The following ASH1L variants were observed in gnomAD, a reference collection of about 807,000 sequenced individuals.
ASH1L encodes ASH1 like histone lysine methyltransferase, also known as histone-lysine N-methyltransferase ASH1L.
ASH1L carries 23 observed loss-of-function variants against 269.0 expected under a neutral mutation model. The observed-to-expected ratio is 0.09, with a 90% CI of 0.06 to 0.12. The LOEUF is 0.12. ASH1L is among the 10% of genes least tolerant of loss of function. ASH1L has a pLI of 1.00. For synonymous variants in ASH1L, 1,187 were observed against 1,253.5 expected (o/e 0.95, Z 1.12); for missense variants, 2,912 against 3,567.8 (o/e 0.82, Z 4.68).
intron 6 of ASH1L, among the ~76,000 whole-genome samples, chr1:155,400,805 C>T (rs866100970): frequency 1.6e-4 from 24 of 152,192 alleles, no homozygotes; most frequent in Admixed American, 3.9e-4. Context: ...CATAAATTTA[C>T]ATACTTCAGC....
At chr1:155,402,805 T>C (rs1251698682) in intron 6 of ASH1L, among the ~76,000 whole-genome samples, 1 of 151,716 alleles carries the variant, frequency 6.6e-6, no homozygotes, top group Non-Finnish European at 1.5e-5. Flanking sequence ...CCTCCTACCT[T>C]GGCCTCCCGA....
At chr1:155,454,629 G>T (rs540781056) in intron 4 of ASH1L, among the ~76,000 whole-genome samples, 1 of 152,240 alleles carries the variant, frequency 6.6e-6, no homozygotes, top group East Asian at 1.9e-4. Context: ...TTAGCCAGGC[G>T]TGGTGGCACA....
chr1:155,484,940 AAAAC>A (rs1368270709), intron 2 of ASH1L, among the ~76,000 whole-genome samples: 4 of 133,768 alleles, frequency 3.0e-5, no homozygotes, highest in African/African-American at 6.0e-5. Context: ...AAAAAAAAAA[AAAAC>A]AAAAACAAAA....
rs368443129 is a variant in ASH1L at position 155,378,381 on chromosome 1, C to T, written c.6232G>A (p.Val2078Ile). 22 of 1,613,860 alleles carry T rather than the reference C, an allele frequency of 1.4e-5. No homozygotes were observed. The highest frequency in any genetic ancestry group is 1.7e-5 in the Admixed American group (1 of 59,996). ...LYKKIRSNVY[V>I]DVKPLSGYEA... The stretch of plus-strand genomic sequence containing the variant: ...TAACCAGAAAGGGGTTTGACATCAA[C>T]GTAGACATCTTGAAAAGAAAGCAAA... Residue 2078 changes from valine (V) to isoleucine (I), a missense_variant, in exon 10 of 28, where the codon GTT (valine) becomes ATT (isoleucine). Physicochemically the swap from Val to Ile is conservative, Grantham distance 29. Transcript: ENST00000392403.
chr1:155,504,178 T>G (rs1316710010), intron 2 of ASH1L, among the ~76,000 whole-genome samples: 2 of 152,220 alleles, frequency 1.3e-5, no homozygotes, highest in Non-Finnish European at 2.9e-5. Context: ...AAAACATTAT[T>G]TTCCCTTTCT....
chr1:155,503,209 C>T (rs975684450), intron 2 of ASH1L, among the ~76,000 whole-genome samples: 6 of 152,170 alleles, frequency 3.9e-5, no homozygotes, highest in Admixed American at 1.3e-4. Context: ...ACTATCAAAT[C>T]CTACAGAAAG....
intron 4 of ASH1L, among the ~76,000 whole-genome samples, chr1:155,456,479 C>T (rs990486486): frequency 2.6e-5 from 4 of 152,234 alleles, no homozygotes; most frequent in African/African-American, 9.6e-5. Context: ...GTGACATATA[C>T]AGTTTGATGT....
intron 21 of ASH1L, 91 bp downstream of exon 21, chr1:155,346,292 G>A: frequency 6.4e-7 from 1 of 1,556,790 alleles, no homozygotes; most frequent in Middle Eastern, 1.7e-4. Context: ...CCTATTAAAG[G>A]AAATTCTGCA....
chr1:155,550,803 G>T (rs1671140858), intron 1 of ASH1L, among the ~76,000 whole-genome samples: 1 of 152,096 alleles, frequency 6.6e-6, no homozygotes, highest in Non-Finnish European at 1.5e-5. Flanking sequence ...ATTCACTGTT[G>T]TATACTCTGG....
chr1:155,507,251 G>T (rs1402815666), intron 2 of ASH1L, among the ~76,000 whole-genome samples: 1 of 149,414 alleles, frequency 6.7e-6, no homozygotes, highest in Non-Finnish European at 1.5e-5. Flanking sequence ...TGGCACTCCA[G>T]CCTGGCCAAC....
At chr1:155,404,675 GA>G (rs947050856) in intron 6 of ASH1L, among the ~76,000 whole-genome samples, 11 of 150,478 alleles carry the variant, frequency 7.3e-5, no homozygotes, top group African/African-American at 1.2e-4. Flanking sequence ...AAACTGGTGG[GA>G]AAAAAAAATC....
chr1:155,396,240 A>G (rs977753880), intron 6 of ASH1L: 6 of 152,176 alleles, frequency 3.9e-5, no homozygotes, highest in African/African-American at 1.4e-4. Context: ...AAAAAGGAAA[A>G]TGAGAAAAAA....
At chr1:155,371,836 GATGT>G (rs1655978290) in intron 10 of ASH1L, among the ~76,000 whole-genome samples, 1 of 151,314 alleles carries the variant, frequency 6.6e-6, no homozygotes, top group Non-Finnish European at 1.5e-5. Context: ...TGGGATTACA[GATGT>G]GTGTCACCAC....
intron 2 of ASH1L, among the ~76,000 whole-genome samples, chr1:155,489,612 G>A (rs1424167030): frequency 6.6e-6 from 1 of 151,720 alleles, no homozygotes; most frequent in Non-Finnish European, 1.5e-5. Context: ...CAAAAAATTA[G>A]ACGGGCATGG....
At chr1:155,490,889 A>T (rs1570969089) in intron 2 of ASH1L, among the ~76,000 whole-genome samples, 1 of 144,598 alleles carries the variant, frequency 6.9e-6, no homozygotes, top group Admixed American at 7.1e-5. Context: ...TTGAGCCAGG[A>T]GGTCAAGGCT....
chr1:155,436,012 T>C (rs142255449), intron 5 of ASH1L, among the ~76,000 whole-genome samples: 3,128 of 152,106 alleles, frequency 0.021, 104 homozygotes, highest in African/African-American at 0.072. Flanking sequence ...GATCGTGCCA[T>C]TGCACTCCAG....
At chr1:155,477,847 T>C (rs1423219789) in intron 3 of ASH1L, 39 bp downstream of exon 3, 8 of 1,521,930 alleles carry the variant, frequency 5.3e-6, no homozygotes, top group Non-Finnish European at 7.0e-6. Context: ...AATAACCTAT[T>C]TCTTTAACAA....
At chr1:155,466,096 T>C (rs1664676211) in intron 3 of ASH1L, among the ~76,000 whole-genome samples, 1 of 152,218 alleles carries the variant, frequency 6.6e-6, no homozygotes, top group Non-Finnish European at 1.5e-5. Flanking sequence ...GGCTCATGTC[T>C]GTAATCCCAG....
At chr1:155,363,148 T>C (rs1027914802) in intron 12 of ASH1L, among the ~76,000 whole-genome samples, 11 of 152,172 alleles carry the variant, frequency 7.2e-5, no homozygotes, top group African/African-American at 2.4e-4. Flanking sequence ...CACGCCTGGC[T>C]AATTTTGTAT....
Sources: allele counts gnomAD v4.1 joint callset (sites outside exome capture counted in the v4.1 genomes callset), GRCh38; gene constraint gnomAD v4.1.1; transcripts MANE v1.5; gene names NCBI Gene and HGNC (gene_info 2026-07-23, HGNC 2026-07-21).